Variants in DIP2C observed in about 807,000 individuals in gnomAD.
DIP2C encodes the protein disco-interacting protein 2 homolog C.
DIP2C carries 33 observed loss-of-function variants against 192.4 expected under a neutral mutation model. The observed-to-expected ratio is 0.17, with a 90% confidence interval of 0.13 to 0.23. The LOEUF is 0.23. Ranked by LOEUF, DIP2C falls within the 10% of genes least tolerant of loss-of-function variation. DIP2C has a pLI of 1.00. For missense variants in DIP2C, 1,537 were observed against 2,110.1 expected, an observed-to-expected ratio of 0.73 and a Z score of 5.32; for synonymous variants, 979 against 864.1, an observed-to-expected ratio of 1.13 and a Z score of -2.33.
At chr10:463,239 T>C (rs1262355194) in intron 3 of DIP2C, among the ~76,000 whole-genome samples, 7 of 152,192 alleles carry the variant, frequency 4.6e-5, no homozygotes, top group Non-Finnish European at 1.0e-4. Flanking sequence ...ATGATTGTTA[T>C]TTAGAAAACC....
chr10:566,246 C>G (rs930758605), intron 1 of DIP2C, among the ~76,000 whole-genome samples: 2 of 152,188 alleles, frequency 1.3e-5, no homozygotes, highest in Non-Finnish European at 1.5e-5. Context: ...TTTTTTGCCC[C>G]TTTTTAAACT....
At chr10:497,581 C>G (rs1009948197) in intron 1 of DIP2C, among the ~76,000 whole-genome samples, 1 of 152,324 alleles carries the variant, frequency 6.6e-6, no homozygotes, top group Non-Finnish European at 1.5e-5. Flanking sequence ...GACGCTCATA[C>G]AAGGAATCCA....
intron 9 of DIP2C, among the ~76,000 whole-genome samples, chr10:405,503 T>A (rs1964738692): frequency 6.6e-6 from 1 of 152,214 alleles, no homozygotes; most frequent in Non-Finnish European, 1.5e-5. Context: ...AACTGAAAAT[T>A]TTTTTGCAAT....
At chr10:452,384 C>T (rs541624025) in intron 3 of DIP2C, among the ~76,000 whole-genome samples, 37 of 152,154 alleles carry the variant, frequency 2.4e-4, no homozygotes, top group African/African-American at 3.4e-4. Flanking sequence ...CATCAAAACA[C>T]GGCAAACACG....
At chr10:555,894 C>CT (rs1208499689) in intron 1 of DIP2C, among the ~76,000 whole-genome samples, 1 of 152,140 alleles carries the variant, frequency 6.6e-6, no homozygotes, top group Admixed American at 6.5e-5. Flanking sequence ...AGCGAACACC[C>CT]TTCCTGCATG....
At chr10:560,240 C>T (rs184508820) in intron 1 of DIP2C, among the ~76,000 whole-genome samples, 118 of 152,294 alleles carry the variant, frequency 7.7e-4, no homozygotes, top group Non-Finnish European at 1.3e-3. Flanking sequence ...GTGGAGAAGA[C>T]ACGCGATCAA....
intron 1 of DIP2C, among the ~76,000 whole-genome samples, chr10:607,022 G>C (rs1852540389): frequency 6.6e-6 from 1 of 152,208 alleles, no homozygotes. Context: ...ACATCACTTA[G>C]GAACCAAGAC....
Position 552,515 on chromosome 10 carries a change from C to G in DIP2C, c.86-65985G>C, listed in dbSNP as rs118125435. 4.4e-3 allele frequency among the ~76,000 whole-genome samples: 668 copies of G among 152,310 alleles called. 10 individuals carry two copies. Among genetic ancestry groups the G allele is most frequent in the East Asian group, 0.027 (138 of 5,190 alleles). ...ATTAAATATTCAAAAATAAGTAATT[C>G]TGTTCAGTCTATTTCATTCCTCAAA... On this transcript the variant is annotated intron_variant, in intron 1 of 36. Coordinates refer to ENST00000280886, the MANE Select transcript of DIP2C (RefSeq NM_014974.3).
intron 1 of DIP2C, chr10:641,858 C>CA (rs11417788): frequency 0.033 from 4,917 of 150,654 alleles, 168 homozygotes; most frequent in African/African-American, 0.08. Context: ...CCCATCTCTA[C>CA]AAAAAAAAAT....
At chr10:440,736 T>C in intron 4 of DIP2C, 135 bp downstream of exon 4, 1 of 1,308,722 alleles carries the variant, frequency 7.6e-7, no homozygotes, top group Non-Finnish European at 1.0e-6. Flanking sequence ...ACAACACTGT[T>C]TTTGGACTTC....
intron 1 of DIP2C, among the ~76,000 whole-genome samples, chr10:599,128 G>C (rs1213898839): frequency 6.6e-6 from 1 of 152,136 alleles, no homozygotes; most frequent in Non-Finnish European, 1.5e-5. Flanking sequence ...CCAAGTTAGA[G>C]ACCCAGAAAC....
At chr10:344,607 G>A (rs1958335497) in intron 28 of DIP2C, among the ~76,000 whole-genome samples, 2 of 152,164 alleles carry the variant, frequency 1.3e-5, no homozygotes, top group South Asian at 4.1e-4. Context: ...AACATACTTG[G>A]GGCATTTGGA....
chr10:473,522 C>G (rs945332421), intron 2 of DIP2C, among the ~76,000 whole-genome samples: 1 of 149,780 alleles, frequency 6.7e-6, no homozygotes, highest in South Asian at 2.1e-4. Context: ...GCTCCGTGAA[C>G]GGCTCTGATA....
At chr10:307,372 G>A (rs745596592) in intron 32 of DIP2C, among the ~76,000 whole-genome samples, 12 of 152,186 alleles carry the variant, frequency 7.9e-5, no homozygotes, top group Admixed American at 2.6e-4. Flanking sequence ...TGCTGGTAAA[G>A]GTTGAAAGTG....
chr10:356,131 A>G, intron 24 of DIP2C: 1 of 525,912 alleles, frequency 1.9e-6, no homozygotes, highest in Non-Finnish European at 3.4e-6. Flanking sequence ...AAATGCAAAT[A>G]TCTCATAGAC....
At chr10:417,917 C>T (rs1220095745) in intron 6 of DIP2C, among the ~76,000 whole-genome samples, 14 of 100,784 alleles carry the variant, frequency 1.4e-4, no homozygotes, top group South Asian at 3.5e-4. Flanking sequence ...CCTCCCTGTC[C>T]ACCTGTTCCT....
chr10:651,270 T>A lies in DIP2C; in HGVS notation c.85+38224A>T, dbSNP rs1855879666. On this transcript the variant is annotated intron_variant, in intron 1 of 36. Coordinates refer to ENST00000280886, the MANE Select transcript of DIP2C (RefSeq NM_014974.3). This position sits in a 1 kb window ranked among gnomAD's most constrained non-coding sequence, Gnocchi z 4.1. ...CGTGGGTTCCGGTCACCAGTCGGCC[T>A]CCCCCACCAACGTGGACTCCTTACA... is the stretch of plus-strand genomic sequence containing the variant. The A allele has an allele frequency of 1.4e-6, 1 of 713,498 alleles. No homozygotes were observed. Among genetic ancestry groups the A allele is most frequent in the Non-Finnish European group, 2.6e-6 (1 of 385,042 alleles). The allele number at this position is 713,498 out of a possible 1,614,324, so 44.2% of individuals were successfully genotyped here. A position where few individuals can be genotyped will look rare whatever the true frequency, so the allele number is the denominator to read the frequency against.
intron 8 of DIP2C, among the ~76,000 whole-genome samples, chr10:412,030 G>A (rs950051196): frequency 6.6e-6 from 1 of 152,172 alleles, no homozygotes; most frequent in Non-Finnish European, 1.5e-5. Context: ...CTTTGGTTGT[G>A]GGCATGAGTT....
intron 1 of DIP2C, among the ~76,000 whole-genome samples, chr10:500,590 G>T (rs1845153997): frequency 6.6e-6 from 1 of 152,184 alleles, no homozygotes; most frequent in South Asian, 2.1e-4. Flanking sequence ...ACATAAAACA[G>T]AAATCCTACA....
Sources: gnomAD v4.1 joint callset for allele counts (sites outside exome capture counted in the v4.1 genomes callset) on GRCh38, gnomAD v4.1.1 for gene constraint, Gnocchi (gnomAD v3.1) non-coding constraint, MANE v1.5 for transcripts, NCBI Gene and HGNC (gene_info 2026-07-23, HGNC 2026-07-21) for gene names.